The following SWT1 variants were observed in gnomAD, a reference collection of about 807,000 sequenced individuals.
SWT1 encodes transcriptional protein SWT1.
SWT1 carries 33 observed loss-of-function variants against 107.3 expected under a neutral mutation model. The ratio of observed to expected loss-of-function variants is 0.31; its 90% confidence interval spans 0.23 to 0.41. SWT1 has a LOEUF of 0.41. Ranked by LOEUF, SWT1 falls within the 10% of genes least tolerant of loss-of-function variation. SWT1 has a pLI of 1.00. For missense variants in SWT1, 898 were observed against 1,028.9 expected, an observed-to-expected ratio of 0.87 and a Z score of 1.74; for synonymous variants, 345 against 348.3, an observed-to-expected ratio of 0.99 and a Z score of 0.11.
chr1:185,276,462 ACTT>A (rs1664246526), intron 17 of SWT1, 139 bp from the exon 18 acceptor site: 8 of 465,690 alleles, frequency 1.7e-5, no homozygotes, highest in Admixed American at 3.8e-5. Context: ...TAGTCGTTGC[ACTT>A]CTTATTGTTG....
intron 16 of SWT1, among the ~76,000 whole-genome samples, chr1:185,247,864 G>GT (rs1198643091): frequency 2.1e-4 from 32 of 150,586 alleles, no homozygotes; most frequent in Middle Eastern, 3.2e-3. Flanking sequence ...TTCTAGAAGT[G>GT]TTTTTTTTTC....
At chr1:185,218,201 A>G (rs1226452588) in intron 14 of SWT1, among the ~76,000 whole-genome samples, 1 of 152,246 alleles carries the variant, frequency 6.6e-6, no homozygotes, top group Non-Finnish European at 1.5e-5. Flanking sequence ...AACTGTAAAA[A>G]CTACCTAATC....
chr1:185,200,023 C>T lies in SWT1; in HGVS notation c.1524-2631C>T, dbSNP rs547861709. On this transcript the variant is annotated intron_variant, in intron 10 of 18. Coordinates refer to ENST00000367500, the MANE Select transcript of SWT1 (RefSeq NM_017673.7). ...CTTCAGTTTGTGATATCCTTTCTTC[C>T]GCTTGATCGGTTTGGCTGTTAATAC... 5.4e-4 allele frequency among the ~76,000 whole-genome samples: 82 copies of T among 151,906 alleles called. 1 individual carries two copies. Among genetic ancestry groups the T allele is most frequent in the Non-Finnish European group, 8.8e-4 (60 of 67,976 alleles).
intron 14 of SWT1, among the ~76,000 whole-genome samples, chr1:185,218,682 A>C (rs539151164): frequency 1.5e-4 from 23 of 152,308 alleles, no homozygotes; most frequent in African/African-American, 5.5e-4. Flanking sequence ...TGGGCCTTCT[A>C]ACCACTAAAA....
intron 1 of SWT1, 139 bp from the exon 2 acceptor site, chr1:185,160,694 T>C: frequency 1.7e-6 from 1 of 598,668 alleles, no homozygotes; most frequent in Admixed American, 3.2e-5. Context: ...GGAGCGAGAC[T>C]CCATCTCAAA....
At chr1:185,173,038 G>A (rs763951638) in intron 4 of SWT1, among the ~76,000 whole-genome samples, 10 of 98,400 alleles carry the variant, frequency 1.0e-4, no homozygotes, top group Non-Finnish European at 1.7e-4. Flanking sequence ...GCGAGACTCC[G>A]TCTCAAAAAA....
intron 14 of SWT1, among the ~76,000 whole-genome samples, chr1:185,221,459 C>T (rs1659651617): frequency 6.6e-6 from 1 of 151,940 alleles, no homozygotes; most frequent in Admixed American, 6.6e-5. Context: ...TTTTAAACAA[C>T]ACTTTGCAGC....
intron 16 of SWT1, among the ~76,000 whole-genome samples, chr1:185,249,411 T>C (rs1317401329): frequency 6.6e-6 from 1 of 152,064 alleles, no homozygotes; most frequent in Admixed American, 6.6e-5. Context: ...GAAAATACAG[T>C]CTGCCTTCTG....
At chr1:185,246,250 A>G (rs1571605955) in intron 16 of SWT1, among the ~76,000 whole-genome samples, 2 of 152,136 alleles carry the variant, frequency 1.3e-5, no homozygotes, top group Admixed American at 1.3e-4. Context: ...AGAGGGACAG[A>G]TCTATCCTGA....
At chr1:185,241,173 C>T (rs1571593884) in intron 16 of SWT1, among the ~76,000 whole-genome samples, 1 of 152,132 alleles carries the variant, frequency 6.6e-6, no homozygotes, top group East Asian at 1.9e-4. Flanking sequence ...CTGTCACAGG[C>T]ATGCTAATGT....
At chr1:185,196,154 T>A (rs1470709014) in intron 10 of SWT1, among the ~76,000 whole-genome samples, 3 of 152,216 alleles carry the variant, frequency 2.0e-5, no homozygotes, top group African/African-American at 7.2e-5. Flanking sequence ...TAATCCATCT[T>A]GAGTTAATTT....
At chr1:185,161,860 T>A (rs1654175830) in intron 2 of SWT1, among the ~76,000 whole-genome samples, 2 of 152,140 alleles carry the variant, frequency 1.3e-5, no homozygotes, top group Non-Finnish European at 2.9e-5. Flanking sequence ...TAGTTGATCA[T>A]CAGTATTAGA....
intron 16 of SWT1, among the ~76,000 whole-genome samples, chr1:185,242,508 A>T (rs906533524): frequency 4.6e-5 from 7 of 152,258 alleles, no homozygotes; most frequent in African/African-American, 1.7e-4. Flanking sequence ...ACCTCCGCTG[A>T]TACTTATATC....
At chr1:185,259,882 A>G (rs895095440) in intron 16 of SWT1, among the ~76,000 whole-genome samples, 7 of 152,180 alleles carry the variant, frequency 4.6e-5, no homozygotes, top group South Asian at 4.1e-4. Context: ...CATTACATTC[A>G]TATTTCCCTA....
At chr1:185,161,838 G>GA (rs1172728449) in intron 2 of SWT1, among the ~76,000 whole-genome samples, 1 of 152,174 alleles carries the variant, frequency 6.6e-6, no homozygotes, top group African/African-American at 2.4e-5. Flanking sequence ...TATACTCTCT[G>GA]AATAGTATGG....
chr1:185,215,003 A>G (rs1243741455), intron 14 of SWT1, among the ~76,000 whole-genome samples: 1 of 152,200 alleles, frequency 6.6e-6, no homozygotes, highest in African/African-American at 2.4e-5. Flanking sequence ...TTTTAAACAT[A>G]CAGATGTCAA....
chr1:185,201,553 G>C (rs993594027), intron 10 of SWT1, among the ~76,000 whole-genome samples: 1 of 152,150 alleles, frequency 6.6e-6, no homozygotes, highest in Admixed American at 6.5e-5. Flanking sequence ...GCCCCACTCT[G>C]CTTCAGCTTG....
intron 16 of SWT1, among the ~76,000 whole-genome samples, chr1:185,259,729 T>C (rs908287281): frequency 2.0e-5 from 3 of 152,172 alleles, no homozygotes; most frequent in African/African-American, 4.8e-5. Context: ...GGGCAGACTT[T>C]TCCCTCTATA....
intron 18 of SWT1, among the ~76,000 whole-genome samples, chr1:185,282,537 CAT>C: frequency 6.6e-6 from 1 of 152,134 alleles, no homozygotes; most frequent in Non-Finnish European, 1.5e-5. Flanking sequence ...ATGAGTAAAA[CAT>C]AAATATTTCC....
Sources: allele counts gnomAD v4.1 joint callset (sites outside exome capture counted in the v4.1 genomes callset), GRCh38; gene constraint gnomAD v4.1.1; transcripts MANE v1.5; gene names NCBI Gene and HGNC (gene_info 2026-07-23, HGNC 2026-07-21).